PLCG2: variants seen among roughly 807,000 people sequenced by gnomAD.
PLCG2 encodes 1-phosphatidylinositol 4,5-bisphosphate phosphodiesterase gamma-2.
Under a neutral mutation model 175.6 loss-of-function variants are expected in PLCG2, and 69 were observed. The observed-to-expected ratio is 0.39, with a 90% CI of 0.32 to 0.48. The LOEUF is 0.48. PLCG2 is among the 20% of genes least tolerant of loss of function. The pLI is 0.91. For missense variants in PLCG2, 1,798 were observed against 1,650.9 expected (o/e 1.09, Z -1.54); for synonymous variants, 827 against 624.0 (o/e 1.33, Z -4.85).
At chr16:81,872,671 C>T (rs982051985) in intron 7 of PLCG2, among the ~76,000 whole-genome samples, 1 of 152,220 alleles carries the variant, frequency 6.6e-6, no homozygotes, top group Non-Finnish European at 1.5e-5. Context: ...AAGGGCTTTG[C>T]AGACTGCAAA....
At chr16:81,783,371 A>G (rs1001303799) in intron 1 of PLCG2, among the ~76,000 whole-genome samples, 14 of 152,196 alleles carry the variant, frequency 9.2e-5, no homozygotes, top group African/African-American at 3.4e-4. Context: ...TTTGTTACAT[A>G]TATATACACG....
intron 5 of PLCG2, among the ~76,000 whole-genome samples, chr16:81,867,293 C>G (rs1043262401): frequency 7.9e-5 from 12 of 152,248 alleles, no homozygotes; most frequent in African/African-American, 2.9e-4. Flanking sequence ...CTTGACCACT[C>G]TGTCTCAGCT....
intron 2 of PLCG2, among the ~76,000 whole-genome samples, chr16:81,770,462 C>G (rs569437267): frequency 2.0e-5 from 3 of 152,196 alleles, no homozygotes; most frequent in Non-Finnish European, 4.4e-5. Context: ...CCTGTAATCC[C>G]AGCCCTTTGG....
At chr16:81,888,943 G>A (rs1597109763) in intron 9 of PLCG2, among the ~76,000 whole-genome samples, 1 of 152,262 alleles carries the variant, frequency 6.6e-6, no homozygotes, top group East Asian at 1.9e-4. Flanking sequence ...GACACCGTAT[G>A]GCTCAGAGAG....
chr16:81,877,240 G>C (rs879586429), intron 7 of PLCG2, among the ~76,000 whole-genome samples: 10 of 152,326 alleles, frequency 6.6e-5, no homozygotes, highest in Middle Eastern at 3.4e-3. Flanking sequence ...GGATCGCGAG[G>C]TCAGGAGATC....
At chr16:81,833,535 C>CTT (rs34385270) in intron 2 of PLCG2, among the ~76,000 whole-genome samples, 1,639 of 137,446 alleles carry the variant, frequency 0.012, 20 homozygotes, top group Non-Finnish European at 0.019. Context: ...TTAAAAAAAT[C>CTT]TTTTTTTTTT....
intron 30 of PLCG2, among the ~76,000 whole-genome samples, chr16:81,942,162 C>G (rs866572480): frequency 5.3e-5 from 8 of 152,124 alleles, no homozygotes; most frequent in African/African-American, 1.9e-4. Context: ...GCTGAAACCC[C>G]TTGGTTACCC....
At chr16:81,913,886 C>T (rs575670880) in intron 19 of PLCG2, among the ~76,000 whole-genome samples, 4 of 152,252 alleles carry the variant, frequency 2.6e-5, no homozygotes, top group South Asian at 4.1e-4. Context: ...CCCTGGGGAC[C>T]GTGGTGACGG....
At chr16:81,869,551 G>A (rs901739877) in intron 6 of PLCG2, among the ~76,000 whole-genome samples, 24 of 152,244 alleles carry the variant, frequency 1.6e-4, no homozygotes, top group Non-Finnish European at 7.4e-5. Context: ...CCTCAGACCT[G>A]TTTTCCATTA....
intron 2 of PLCG2, among the ~76,000 whole-genome samples, chr16:81,806,546 G>A (rs1392970804): frequency 1.3e-5 from 2 of 152,142 alleles, no homozygotes; most frequent in Non-Finnish European, 2.9e-5. Flanking sequence ...TCAGCTTGTG[G>A]CCAGGGAGCT....
chr16:81,799,956 C>G lies in PLCG2; in HGVS notation c.193+13774C>G, dbSNP rs114403976. Among the ~76,000 whole-genome samples, 1,500 of 152,320 alleles carry G rather than the reference C, an allele frequency of 9.8e-3. 27 individuals are homozygous for G. Among genetic ancestry groups the G allele is most frequent in the African/African-American group, 0.034 (1,409 of 41,570 alleles). On this transcript the variant is annotated intron_variant, in intron 2 of 32. Coordinates refer to ENST00000564138, the MANE Select transcript of PLCG2 (RefSeq NM_002661.5). ...AATAATATGACAGACCCCACATACT[C>G]AAGAGCAAGGGATCCAGGGTCTGAC...
intron 2 of PLCG2, among the ~76,000 whole-genome samples, chr16:81,841,731 C>A (rs775773559): frequency 6.6e-6 from 1 of 152,158 alleles, no homozygotes; most frequent in Non-Finnish European, 1.5e-5. Context: ...TCTGCTCTAC[C>A]GTGTGTGCCT....
At chr16:81,761,680 C>T (rs1021785569) in intron 2 of PLCG2, among the ~76,000 whole-genome samples, 3 of 152,126 alleles carry the variant, frequency 2.0e-5, no homozygotes, top group Non-Finnish European at 2.9e-5. Flanking sequence ...GGCTTAGAAC[C>T]ATATCTAGCT....
chr16:81,856,080 A>T (rs1906667632), intron 3 of PLCG2, among the ~76,000 whole-genome samples: 1 of 152,136 alleles, frequency 6.6e-6, no homozygotes, highest in African/African-American at 2.4e-5. Context: ...CCTCTTCCGG[A>T]ACCCTAAATT....
At chr16:81,935,746 T>C in intron 26 of PLCG2, 1 of 985,334 alleles carries the variant, frequency 1.0e-6, no homozygotes, top group Non-Finnish European at 1.2e-6. Context: ...ATTGCAACCC[T>C]ACCTGTGGGC....
intron 31 of PLCG2, among the ~76,000 whole-genome samples, chr16:81,947,180 A>G (rs967352081): frequency 1.3e-4 from 20 of 152,208 alleles, no homozygotes; most frequent in African/African-American, 4.8e-4. Context: ...AGAGAAAATT[A>G]GTATATTTAA....
At chr16:81,813,353 G>C (rs182668421) in intron 2 of PLCG2, among the ~76,000 whole-genome samples, 309 of 152,290 alleles carry the variant, frequency 2.0e-3, no homozygotes, top group Non-Finnish European at 2.0e-3. Context: ...TCCTTGAGCA[G>C]TTGTTTGTAG....
intron 31 of PLCG2, among the ~76,000 whole-genome samples, chr16:81,950,084 A>C (rs1167514740): frequency 6.6e-6 from 1 of 152,226 alleles, no homozygotes; most frequent in African/African-American, 2.4e-5. Flanking sequence ...GTAAAGAATC[A>C]GAATAAGTTA....
intron 1 of PLCG2, among the ~76,000 whole-genome samples, chr16:81,779,784 C>T (rs1042622818): frequency 3.9e-5 from 6 of 152,184 alleles, no homozygotes. Flanking sequence ...GGCGCCGTCT[C>T]TCTTGACGGC....
Sources: gnomAD v4.1 joint callset for allele counts (sites outside exome capture counted in the v4.1 genomes callset) on GRCh38, gnomAD v4.1.1 for gene constraint, MANE v1.5 for transcripts, NCBI Gene and HGNC (gene_info 2026-07-23, HGNC 2026-07-21) for gene names.